Variants in PDS5B observed in about 807,000 individuals in gnomAD.
PDS5B encodes the protein sister chromatid cohesion protein PDS5 homolog B.
In PDS5B, 51 loss-of-function variants were observed where a neutral mutation model predicts 184.1. The ratio of observed to expected loss-of-function variants is 0.28; its 90% CI spans 0.22 to 0.35. The LOEUF is 0.35. PDS5B is among the 10% of genes least tolerant of loss of function. The pLI, the probability that PDS5B is intolerant of heterozygous loss-of-function variation, is 1.00. For missense variants in PDS5B, 1,180 were observed against 1,723.3 expected (o/e 0.68, Z 5.58); for synonymous variants, 566 against 569.2 (o/e 0.99, Z 0.08).
intron 1 of PDS5B, among the ~76,000 whole-genome samples, chr13:32,625,838 CTTT>C (rs67536326): frequency 1.1e-4 from 15 of 131,342 alleles, no homozygotes; most frequent in Admixed American, 1.5e-4. Flanking sequence ...GACCAGTATT[CTTT>C]TTTTTTTTTT....
At chr13:32,673,378 A>T in intron 8 of PDS5B, 22 bp downstream of exon 8, 1 of 1,588,960 alleles carries the variant, frequency 6.3e-7, no homozygotes, top group Non-Finnish European at 8.6e-7. Flanking sequence ...AAATAATATG[A>T]TTCTACCAAC....
intron 1 of PDS5B, among the ~76,000 whole-genome samples, chr13:32,616,260 G>A (rs942941322): frequency 2.0e-5 from 3 of 152,016 alleles, no homozygotes; most frequent in Non-Finnish European, 4.4e-5. Context: ...TCACTATGTT[G>A]GCCAGGCTGG....
rs547887129 is a variant in PDS5B, at chr13:32,619,288, T to A, written c.-19-29466T>A. Among the ~76,000 whole-genome samples, 42 of 152,310 alleles carry A rather than the reference T, an allele frequency of 2.8e-4. No individual in the cohort carries two copies. The South Asian group carries it at 8.1e-3, about 29-fold the overall frequency. On this transcript the variant is annotated intron_variant, in intron 1 of 34. Transcript: ENST00000315596. ...TTCTGAGAGATGCTTTGTTAGGCAA[T>A]TTCTTCACTATGTGAACATGGCAGG... is the stretch of plus-strand genomic sequence containing the variant.
intron 8 of PDS5B, among the ~76,000 whole-genome samples, chr13:32,673,674 A>ATAG (rs778765782): frequency 2.4e-4 from 36 of 152,216 alleles, no homozygotes; most frequent in Non-Finnish European, 4.9e-4. Context: ...GGCACAGTTT[A>ATAG]TAGTAGTTCC....
At chr13:32,771,822 C>T (rs1006134424) in intron 33 of PDS5B, among the ~76,000 whole-genome samples, 4 of 151,870 alleles carry the variant, frequency 2.6e-5, no homozygotes, top group African/African-American at 9.7e-5. Flanking sequence ...AAGGAAATAA[C>T]AAACCTCATA....
chr13:32,693,442 T>G (rs551019310), intron 13 of PDS5B, among the ~76,000 whole-genome samples: 2 of 151,860 alleles, frequency 1.3e-5, no homozygotes, highest in African/African-American at 2.4e-5. Context: ...TAAACGATGT[T>G]CTTTGTCTAT....
rs76150574 is a variant in PDS5B at position 32,674,442 on chromosome 13, C to A, written c.846+1086C>A. ...CATTCAATTAACTGGCCTTCCTGTC[C>A]CCTTTTTAATGTGGTTAGTGATTTG... On this transcript the variant is annotated intron_variant, in intron 8 of 34. Coordinates refer to ENST00000315596, the MANE Select transcript of PDS5B (RefSeq NM_015032.4). 8.3e-3 allele frequency among the ~76,000 whole-genome samples: 1,262 copies of A among 152,124 alleles called. 18 individuals are homozygous for A. The highest frequency in any genetic ancestry group is 0.029 in the African/African-American group (1,192 of 41,504).
At chr13:32,611,795 C>G (rs1430744155) in intron 1 of PDS5B, among the ~76,000 whole-genome samples, 1 of 151,980 alleles carries the variant, frequency 6.6e-6, no homozygotes, top group Admixed American at 6.6e-5. Flanking sequence ...AAGCATGAGC[C>G]ACGGTGCCTG....
chr13:32,734,020 AT>A, intron 20 of PDS5B, among the ~76,000 whole-genome samples: 1 of 151,498 alleles, frequency 6.6e-6, no homozygotes, highest in Admixed American at 6.6e-5. Context: ...ACACAAACAT[AT>A]ATTTTGTTTT....
chr13:32,672,602 G>C (rs1004369846), intron 7 of PDS5B, among the ~76,000 whole-genome samples: 3 of 152,212 alleles, frequency 2.0e-5, no homozygotes, highest in African/African-American at 7.2e-5. Flanking sequence ...TGAGAACCTA[G>C]CAGGGGACTG....
At chr13:32,621,880 C>G (rs902718197) in intron 1 of PDS5B, among the ~76,000 whole-genome samples, 3 of 152,128 alleles carry the variant, frequency 2.0e-5, no homozygotes, top group African/African-American at 7.2e-5. Flanking sequence ...AGCCCCAAGC[C>G]AAAAACATTT....
At position 32,676,107 on chromosome 13, in the gene PDS5B, C is replaced by T. The variant is rs558881241; in HGVS notation, c.962+148C>T. On this transcript the variant is annotated intron_variant, in intron 9 of 34. Coordinates refer to ENST00000315596, the MANE Select transcript of PDS5B (RefSeq NM_015032.4). ...TGAAAGTTTTGAAAGTTGTTAATGA[C>T]TGGCTATATTTATATTTACTCTTTT... The T allele has an allele frequency of 3.9e-5, 22 of 562,330 alleles. No homozygotes were observed. The East Asian group carries it at 6.2e-4, about 16-fold the overall frequency. 34.8% of individuals were successfully genotyped at this position (562,330 alleles called of 1,614,324 possible).
At chr13:32,598,816 G>A (rs1473605667) in intron 1 of PDS5B, among the ~76,000 whole-genome samples, 1 of 141,766 alleles carries the variant, frequency 7.1e-6, no homozygotes, top group Non-Finnish European at 1.5e-5. Context: ...TGTCACCTAG[G>A]CAGGAGTGCA....
chr13:32,611,861 A>C (rs2058147831), intron 1 of PDS5B, among the ~76,000 whole-genome samples: 1 of 152,006 alleles, frequency 6.6e-6, no homozygotes, highest in South Asian at 2.1e-4. Context: ...GCAAGAAAAA[A>C]TAAGTTTGAT....
Position 32,745,851 on chromosome 13 carries a change from A to G in PDS5B, c.2613-126A>G, listed in dbSNP as rs554297567. The G allele has an allele frequency of 3.8e-5, 28 of 734,632 alleles. No individual in the cohort carries two copies. In the African/African-American group the frequency reaches 4.4e-4, roughly 12 times the overall value. 45.5% of individuals were successfully genotyped at this position (734,632 alleles called of 1,614,324 possible). On this transcript the variant is annotated intron_variant, in intron 23 of 34. Coordinates refer to ENST00000315596, the MANE Select transcript of PDS5B (RefSeq NM_015032.4). ...AACATAGGAATTTTGGGGGACACAA[A>G]CATTCAGATCACAGCATTTTTTTTT...
chr13:32,759,816 C>T (rs747117554), intron 29 of PDS5B, 126 bp downstream of exon 29: 7 of 542,132 alleles, frequency 1.3e-5, no homozygotes, highest in South Asian at 3.0e-5. Context: ...TAAGAATTAA[C>T]GATCTTACAT....
At chr13:32,591,377 A>C (rs1201609731) in intron 1 of PDS5B, among the ~76,000 whole-genome samples, 1 of 152,106 alleles carries the variant, frequency 6.6e-6, no homozygotes, top group Admixed American at 6.5e-5. Context: ...TCGGCCTCCC[A>C]AAGTGCTGAG....
At chr13:32,675,160 T>C (rs971194796) in intron 8 of PDS5B, among the ~76,000 whole-genome samples, 13 of 152,158 alleles carry the variant, frequency 8.5e-5, no homozygotes, top group African/African-American at 3.1e-4. Context: ...CCTTTTGATA[T>C]ACCCAATTCC....
At chr13:32,589,193 T>C (rs1339564295) in intron 1 of PDS5B, among the ~76,000 whole-genome samples, 2 of 152,200 alleles carry the variant, frequency 1.3e-5, no homozygotes, top group East Asian at 3.9e-4. Flanking sequence ...ATTTCATTGA[T>C]TTATCTGAGG....
Sources: gnomAD v4.1 joint callset for allele counts (sites outside exome capture counted in the v4.1 genomes callset) on GRCh38, gnomAD v4.1.1 for gene constraint, MANE v1.5 for transcripts, NCBI Gene and HGNC (gene_info 2026-07-23, HGNC 2026-07-21) for gene names.